Variants in SSX2IP observed in about 807,000 individuals in gnomAD.
The protein encoded by SSX2IP is SSX family member 2 interacting protein.
SSX2IP carries 55 observed loss-of-function variants against 84.9 expected under a neutral mutation model. The observed-to-expected ratio is 0.65, with a 90% CI of 0.52 to 0.81. The LOEUF (loss-of-function observed/expected upper bound fraction) is 0.81, where lower values mean the gene tolerates loss of function less well. Among genes scored for constraint, SSX2IP ranks in the 30% least tolerant of loss-of-function variants. The pLI is 0.00. For missense variants in SSX2IP, 664 were observed against 705.2 expected (o/e 0.94, Z 0.66); for synonymous variants, 239 against 234.7 (o/e 1.02, Z -0.17).
intron 11 of SSX2IP, chr1:84,655,453 T>C: frequency 7.7e-7 from 1 of 1,293,878 alleles, no homozygotes; most frequent in South Asian, 1.2e-5. Flanking sequence ...CTTAATTTTT[T>C]ATTATACTTC....
intron 4 of SSX2IP, among the ~76,000 whole-genome samples, chr1:84,668,054 A>G (rs77049481): frequency 0.17 from 26,158 of 152,062 alleles, 2,385 homozygotes; most frequent in Middle Eastern, 0.26. Flanking sequence ...TAGATTGGCA[A>G]CTTTCCCCAC....
intron 9 of SSX2IP, 104 bp downstream of exon 9, chr1:84,658,214 T>A (rs1370307804): frequency 1.2e-5 from 15 of 1,247,412 alleles, no homozygotes; most frequent in Admixed American, 1.1e-4. Flanking sequence ...AACTGAAGTA[T>A]AGTACTTTAG....
intron 6 of SSX2IP, among the ~76,000 whole-genome samples, chr1:84,663,178 G>A (rs1652275562): frequency 6.6e-6 from 1 of 152,070 alleles, no homozygotes; most frequent in African/African-American, 2.4e-5. Context: ...TTCTGCTGCA[G>A]GTGGACATGG....
intron 8 of SSX2IP, among the ~76,000 whole-genome samples, chr1:84,658,699 A>G (rs777043677): frequency 7.9e-5 from 12 of 152,232 alleles, no homozygotes; most frequent in Non-Finnish European, 1.5e-5. Context: ...TAATGACAAG[A>G]GTCATGAAGC....
intron 13 of SSX2IP, chr1:84,649,860 AG>A (rs1381555611): frequency 8.2e-6 from 4 of 489,032 alleles, no homozygotes; most frequent in African/African-American, 4.0e-5. Context: ...TGGGTTTCCC[AG>A]GGTGGAGAGC....
At chr1:84,675,637 C>T (rs1161316879) in intron 1 of SSX2IP, among the ~76,000 whole-genome samples, 1 of 152,274 alleles carries the variant, frequency 6.6e-6, no homozygotes, top group Non-Finnish European at 1.5e-5. Flanking sequence ...ACGTGTGGGA[C>T]AAAGGACAGA....
intron 4 of SSX2IP, among the ~76,000 whole-genome samples, chr1:84,666,468 A>G (rs1652791532): frequency 6.6e-6 from 1 of 152,172 alleles, no homozygotes; most frequent in South Asian, 2.1e-4. Context: ...CATATACAAA[A>G]GTGCTTCAAA....
chr1:84,648,329 G>A (rs1023261521), intron 13 of SSX2IP, among the ~76,000 whole-genome samples: 2 of 152,108 alleles, frequency 1.3e-5, no homozygotes, highest in Admixed American at 1.3e-4. Flanking sequence ...TGAATACCTT[G>A]AATTTCTTTA....
At position 84,663,046 on chromosome 1, in the gene SSX2IP, G is replaced by A. The variant is rs1365917906; in HGVS notation, c.674-516C>T. On this transcript the variant is annotated intron_variant, in intron 6 of 13. Coordinates refer to ENST00000342203, the MANE Select transcript of SSX2IP (RefSeq NM_001166293.2). ...AAGTAGGTGCAACAAATAAGTTGTA[G>A]ATCCCATAAAGCTGAAAATGTTTAC... 1.3e-5 allele frequency among the ~76,000 whole-genome samples: 2 copies of A among 152,038 alleles called. 1 individual carries two copies. The highest frequency in any genetic ancestry group is 4.8e-5 in the African/African-American group (2 of 41,388).
chr1:84,652,195 G>A (rs188584040), intron 11 of SSX2IP, 198 bp from the exon 12 acceptor site: 5 of 495,938 alleles, frequency 1.0e-5, no homozygotes, highest in African/African-American at 9.6e-5. Context: ...GCTGAGGGTT[G>A]GTGGAGCACT....
In SSX2IP at chr1:84,669,122, T is replaced by G. The variant is rs948521054; in HGVS notation, c.426+559A>C. Reference sequence around the variant, plus strand: ...TCAAAATAGAAACCAGCATCAAATATTCTACATTTTAAAGTTAGTAGGTTC... The same window carrying G: ...TCAAAATAGAAACCAGCATCAAATAGTCTACATTTTAAAGTTAGTAGGTTC... On this transcript the variant is annotated intron_variant, in intron 4 of 13. Coordinates refer to ENST00000342203, the MANE Select transcript of SSX2IP (RefSeq NM_001166293.2). 1.3e-5 allele frequency among the ~76,000 whole-genome samples: 2 copies of G among 151,770 alleles called. 1 individual carries two copies. Among genetic ancestry groups the G allele is most frequent in the African/African-American group, 4.8e-5 (2 of 41,450 alleles).
At chr1:84,686,567 G>C (rs1408764912) in intron 1 of SSX2IP, among the ~76,000 whole-genome samples, 1 of 152,090 alleles carries the variant, frequency 6.6e-6, no homozygotes, top group Non-Finnish European at 1.5e-5. Context: ...TCTAGGCCTA[G>C]AACTCACAAG....
At chr1:84,665,380 C>A in intron 5 of SSX2IP, among the ~76,000 whole-genome samples, 1 of 152,112 alleles carries the variant, frequency 6.6e-6, no homozygotes, top group East Asian at 1.9e-4. Flanking sequence ...ATCTAAACCA[C>A]TCCAGGGCGC....
chr1:84,666,333 A>G lies in SSX2IP; in HGVS notation c.427-101T>C, dbSNP rs1378747999. On this transcript the variant is annotated intron_variant, in intron 4 of 13. Coordinates refer to ENST00000342203, the MANE Select transcript of SSX2IP (RefSeq NM_001166293.2). The stretch of plus-strand genomic sequence containing the variant: ...CAAGAAGTTATACATCCTAGTGTTT[A>G]TTAGTCAAAATCAAATGTTAGTGGC... 3.7e-6 allele frequency: 3 copies of G among 804,198 alleles called. No individual in the cohort carries two copies. The East Asian group carries it at 8.0e-5, about 21-fold the overall frequency. 49.8% of individuals were successfully genotyped at this position (804,198 alleles called of 1,614,324 possible).
At chr1:84,649,421 C>G (rs1394907428) in intron 13 of SSX2IP, among the ~76,000 whole-genome samples, 1 of 152,208 alleles carries the variant, frequency 6.6e-6, no homozygotes, top group African/African-American at 2.4e-5. Context: ...GTCCTAATCC[C>G]CCCACCTCTT....
intron 12 of SSX2IP, 127 bp downstream of exon 12, chr1:84,651,756 A>G (rs1186360528): frequency 1.7e-6 from 1 of 604,426 alleles, no homozygotes; most frequent in African/African-American, 1.8e-5. Flanking sequence ...GTTGACTTTT[A>G]GTTATAATTA....
intron 13 of SSX2IP, among the ~76,000 whole-genome samples, chr1:84,648,997 A>C (rs886257477): frequency 1.3e-5 from 2 of 152,206 alleles, no homozygotes; most frequent in Non-Finnish European, 2.9e-5. Context: ...TCAATATTAT[A>C]AAACAGTAAT....
chr1:84,682,982 T>C (rs1655290039), intron 1 of SSX2IP, among the ~76,000 whole-genome samples: 1 of 151,956 alleles, frequency 6.6e-6, no homozygotes, highest in Non-Finnish European at 1.5e-5. Context: ...ATCCAAATAC[T>C]TTCCCCCATT....
At chr1:84,670,433 C>A (rs950388826) in intron 3 of SSX2IP, 1 of 325,030 alleles carries the variant, frequency 3.1e-6, no homozygotes, top group African/African-American at 2.2e-5. Flanking sequence ...GTGGAGGAGC[C>A]CCTGGGACAA....
Sources: gnomAD v4.1 joint callset for allele counts (sites outside exome capture counted in the v4.1 genomes callset) on GRCh38, gnomAD v4.1.1 for gene constraint, MANE v1.5 for transcripts, NCBI Gene and HGNC (gene_info 2026-07-23, HGNC 2026-07-21) for gene names.